Variants in SLC36A1 observed in about 807,000 individuals in gnomAD.
SLC36A1 encodes the protein proton-coupled amino acid transporter 1.
A neutral mutation model predicts 47.5 loss-of-function variants in SLC36A1; 30 were observed. The ratio of observed to expected loss-of-function variants is 0.63; its 90% CI spans 0.47 to 0.86. SLC36A1 has a LOEUF of 0.86. SLC36A1 is among the 40% of genes least tolerant of loss of function. The pLI is 0.00. For missense variants in SLC36A1, 517 were observed against 606.0 expected (o/e 0.85, Z 1.54); for synonymous variants, 255 against 249.7 (o/e 1.02, Z -0.20).
the SLC36A1 span, among the ~76,000 whole-genome samples, chr5:151,421,682 C>T: frequency 6.6e-6 from 1 of 151,812 alleles, no homozygotes; most frequent in South Asian, 2.1e-4. Context: ...CCTCTGCCTC[C>T]TGGGTTCAAG....
At chr5:151,370,942 A>G in the SLC36A1 span, among the ~76,000 whole-genome samples, 3 of 152,204 alleles carry the variant, frequency 2.0e-5, no homozygotes, top group Admixed American at 6.5e-5. Flanking sequence ...GCAGTGAGCC[A>G]AGATCGCAGT....
the SLC36A1 span, among the ~76,000 whole-genome samples, chr5:151,500,644 A>C: frequency 6.6e-6 from 1 of 152,238 alleles, no homozygotes; most frequent in Non-Finnish European, 1.5e-5. Context: ...CTGGGATTAC[A>C]GGTGGGAGCC....
chr5:151,417,441 G>A, the SLC36A1 span, among the ~76,000 whole-genome samples: 1 of 152,300 alleles, frequency 6.6e-6, no homozygotes, highest in East Asian at 1.9e-4. Context: ...AAGGCCTTGG[G>A]CCCTACCCAC....
the SLC36A1 span, among the ~76,000 whole-genome samples, chr5:151,390,438 T>G: frequency 1.3e-5 from 2 of 152,224 alleles, no homozygotes; most frequent in Non-Finnish European, 2.9e-5. Flanking sequence ...ATTTTGGCTT[T>G]TGTTGCCATT....
chr5:151,531,206 A>G, the SLC36A1 span, among the ~76,000 whole-genome samples: 2 of 152,178 alleles, frequency 1.3e-5, no homozygotes, highest in Non-Finnish European at 2.9e-5. This position sits in a 1 kb window ranked among gnomAD's most constrained non-coding sequence, Gnocchi z 5.7. Context: ...AGCCTTGTCC[A>G]GGGTTGCTTA....
chr5:151,347,055 G>A, the SLC36A1 span, among the ~76,000 whole-genome samples: 1 of 152,202 alleles, frequency 6.6e-6, no homozygotes, highest in Non-Finnish European at 1.5e-5. Flanking sequence ...GTGGTCCAGG[G>A]TAATTGAGCC....
intron 1 of SLC36A1, among the ~76,000 whole-genome samples, chr5:151,451,446 A>C (rs17717168): frequency 0.22 from 33,107 of 151,980 alleles, 3,663 homozygotes; most frequent in African/African-American, 0.23. Flanking sequence ...TGGGTTACTG[A>C]GATGTTCATG....
chr5:151,438,542 T>C (rs1759912869), intron 1 of SLC36A1, among the ~76,000 whole-genome samples: 1 of 152,234 alleles, frequency 6.6e-6, no homozygotes, highest in Admixed American at 6.5e-5. Context: ...ATAATGTGTT[T>C]AAAGCTTGTT....
the SLC36A1 span, among the ~76,000 whole-genome samples, chr5:151,378,804 C>A: frequency 6.6e-6 from 1 of 152,208 alleles, no homozygotes; most frequent in Non-Finnish European, 1.5e-5. Context: ...CCTCTACCCA[C>A]CCCCTGCCAC....
At chr5:151,387,164 A>G in the SLC36A1 span, 1 of 152,552 alleles carries the variant, frequency 6.6e-6, no homozygotes, top group Non-Finnish European at 1.5e-5. Context: ...CTTGGCAGAG[A>G]CATAGAACTG....
At chr5:151,521,673 G>C in the SLC36A1 span, 2 of 1,613,960 alleles carry the variant, frequency 1.2e-6, no homozygotes. Context: ...CCAGCTCCTC[G>C]GGGGTGAGCT....
chr5:151,511,211 G>C, the SLC36A1 span: 1 of 152,212 alleles, frequency 6.6e-6, no homozygotes, highest in Non-Finnish European at 1.5e-5. Flanking sequence ...AGGTAGAAAT[G>C]ACATGATTAG....
At chr5:151,482,050 C>T (rs1758866525) in intron 10 of SLC36A1, among the ~76,000 whole-genome samples, 1 of 152,156 alleles carries the variant, frequency 6.6e-6, no homozygotes, top group South Asian at 2.1e-4. Flanking sequence ...TTTCAGAAAC[C>T]TATTTCTGAA....
the SLC36A1 span, among the ~76,000 whole-genome samples, chr5:151,498,041 G>A: frequency 6.6e-6 from 1 of 151,910 alleles, no homozygotes; most frequent in Admixed American, 6.6e-5. Flanking sequence ...CACCTCCTGG[G>A]TTCAAGCGAT....
chr5:151,472,568 T>A (rs546362260), intron 7 of SLC36A1, among the ~76,000 whole-genome samples: 1 of 152,302 alleles, frequency 6.6e-6, no homozygotes, highest in East Asian at 1.9e-4. Context: ...CTGGCCCATT[T>A]TTTAAAGCAT....
chr5:151,537,983 G>C, the SLC36A1 span: 1 of 1,600,544 alleles, frequency 6.2e-7, no homozygotes, highest in East Asian at 2.2e-5. Context: ...GAGACTGTGG[G>C]GACTGCATTC....
At chr5:151,360,554 C>G in the SLC36A1 span, among the ~76,000 whole-genome samples, 3 of 152,196 alleles carry the variant, frequency 2.0e-5, no homozygotes, top group Middle Eastern at 3.4e-3. Context: ...GAAGGGGAGG[C>G]AGGACAGGCA....
Position 151,482,877 on chromosome 5 carries a change from CA to C in SLC36A1, c.1159+3393del, listed in dbSNP as rs557351154. Among the ~76,000 whole-genome samples the C allele has an allele frequency of 2.1e-3, 312 of 152,082 alleles. 4 individuals carry two copies. The highest frequency in any genetic ancestry group is 7.3e-3 in the African/African-American group (303 of 41,486). On this transcript the variant is annotated intron_variant, in intron 10 of 10. Coordinates refer to ENST00000243389, the MANE Select transcript of SLC36A1 (RefSeq NM_078483.4). Reference sequence around the variant, plus strand: ...TGAAACCCCGTCTCTACTAAAAATACAAAAACAAAATTAGCCTGGTGTGGTG... The same window carrying C: ...TGAAACCCCGTCTCTACTAAAAATACAAAACAAAATTAGCCTGGTGTGGTG...
In SLC36A1 at chr5:151,468,251, C is replaced by CAAAAAA. The variant is rs1214176868; in HGVS notation, c.723+337_723+342dup. Among the ~76,000 whole-genome samples the CAAAAAA allele has an allele frequency of 1.4e-3, 44 of 31,278 alleles. 1 individual carries two copies. Among genetic ancestry groups the CAAAAAA allele is most frequent in the East Asian group, 9.7e-3 (9 of 928 alleles). The allele number at this position is 31,278 out of a possible 152,430, so 20.5% of individuals were successfully genotyped here. On this transcript the variant is annotated intron_variant, in intron 7 of 10. Coordinates refer to ENST00000243389, the MANE Select transcript of SLC36A1 (RefSeq NM_078483.4). Reference sequence around the variant, plus strand: ...TGGGCAACAGAGCAAGACTCTGTCTCAAAAAAAAAAAAAAAATATATATAT... The same window carrying CAAAAAA: ...TGGGCAACAGAGCAAGACTCTGTCTCAAAAAAAAAAAAAAAAAAAAAATATATATAT...
Sources: allele counts gnomAD v4.1 joint callset (sites outside exome capture counted in the v4.1 genomes callset), GRCh38; gene constraint gnomAD v4.1.1; non-coding constraint Gnocchi (gnomAD v3.1); transcripts MANE v1.5; gene names NCBI Gene and HGNC (gene_info 2026-07-23, HGNC 2026-07-21).